The following FRMPD4 variants were observed in gnomAD, a reference collection of about 807,000 sequenced individuals.
FRMPD4 encodes the protein FERM and PDZ domain-containing protein 4.
A neutral mutation model predicts 94.1 loss-of-function variants in FRMPD4; 22 were observed. The ratio of observed to expected loss-of-function variants is 0.23; its 90% CI spans 0.17 to 0.33. FRMPD4 has a LOEUF of 0.33. Among genes scored for constraint, FRMPD4 ranks in the 10% least tolerant of loss-of-function variants. The pLI is 1.00. For missense variants in FRMPD4, 1,111 were observed against 1,339.9 expected (o/e 0.83, Z 2.67); for synonymous variants, 631 against 548.6 (o/e 1.15, Z -2.10).
intron 1 of FRMPD4, among the ~76,000 whole-genome samples, chrX:12,264,819 A>G (rs1168064442): frequency 8.9e-6 from 1 of 112,343 alleles, no homozygotes; most frequent in Admixed American, 9.4e-5. Flanking sequence ...TTTGCCTTTC[A>G]AGATGGGAAT....
chrX:11,985,193 T>C (rs2054421595), intron 3 of FRMPD4, among the ~76,000 whole-genome samples: 1 of 111,755 alleles, frequency 8.9e-6, no homozygotes, highest in Non-Finnish European at 1.9e-5. Flanking sequence ...TTGTCTTGCC[T>C]CTTGGATACC....
intron 3 of FRMPD4, among the ~76,000 whole-genome samples, chrX:12,059,630 A>G: frequency 9.4e-6 from 1 of 105,867 alleles, no homozygotes. Flanking sequence ...TGCCCCCCAT[A>G]GTAGTCCCCA....
At chrX:12,419,155 C>T (rs755492371) in intron 1 of FRMPD4, among the ~76,000 whole-genome samples, 1 of 111,625 alleles carries the variant, frequency 9.0e-6, no homozygotes, top group East Asian at 2.8e-4. Context: ...GATGAAAAGT[C>T]CCTCAACCTC....
intron 3 of FRMPD4, among the ~76,000 whole-genome samples, chrX:12,071,541 G>A (rs1355890653): frequency 8.9e-6 from 1 of 111,789 alleles, no homozygotes; most frequent in East Asian, 2.8e-4. Context: ...CCTCAGAGAG[G>A]ACAAGGAAAC....
At chrX:12,697,349 T>G (rs2060143290) in intron 9 of FRMPD4, among the ~76,000 whole-genome samples, 1 of 112,142 alleles carries the variant, frequency 8.9e-6, no homozygotes, top group African/African-American at 3.2e-5. Context: ...GCTTTGCTAC[T>G]GCAGCTCAGA....
At chrX:12,465,239 T>C (rs1394943635) in intron 1 of FRMPD4, among the ~76,000 whole-genome samples, 1 of 112,192 alleles carries the variant, frequency 8.9e-6, no homozygotes, top group Admixed American at 9.5e-5. Flanking sequence ...TTCTGGTTGA[T>C]GAGCATGGCC....
chrX:12,569,814 G>T (rs891386588), intron 2 of FRMPD4, among the ~76,000 whole-genome samples: 2 of 111,880 alleles, frequency 1.8e-5, no homozygotes, highest in Non-Finnish European at 3.8e-5. Context: ...TTCAGTTCGG[G>T]AACTAGCATT....
Position 12,480,333 on chromosome X carries a change from GAAAAAA to G in FRMPD4, c.42-18333_42-18328del, listed in dbSNP as rs35074731. 3.7e-5 allele frequency among the ~76,000 whole-genome samples: 2 copies of G among 54,670 alleles called. 1 individual carries two copies. The highest frequency in any genetic ancestry group is 1.5e-4 in the African/African-American group (2 of 13,302). 47.5% of individuals were successfully genotyped at this position (54,670 alleles called of 115,157 possible). On this transcript the variant is annotated intron_variant, in intron 1 of 16. Coordinates refer to ENST00000675598, the MANE Select transcript of FRMPD4 (RefSeq NM_001368397.1). Reference sequence around the variant, plus strand: ...AGACACTACAGAAATGAAAAGAAATGAAAAAAAAAAAAAAAAAAAGCAAAATTTCCA... The same window carrying G: ...AGACACTACAGAAATGAAAAGAAATGAAAAAAAAAAAAAGCAAAATTTCCA...
At chrX:12,274,748 G>A (rs1030879537) in intron 1 of FRMPD4, among the ~76,000 whole-genome samples, 4 of 112,597 alleles carry the variant, frequency 3.6e-5, no homozygotes, top group African/African-American at 9.7e-5. Context: ...GGTGGCCCAC[G>A]CCTGTAATCC....
chrX:12,467,615 A>G (rs1418332412), intron 1 of FRMPD4, among the ~76,000 whole-genome samples: 1 of 112,498 alleles, frequency 8.9e-6, no homozygotes, highest in African/African-American at 3.2e-5. Flanking sequence ...CTTATGAACC[A>G]TCAGGAAAAA....
chrX:12,716,004 C>CCCCCCCCCCCCCCCA, intron 14 of FRMPD4, 65 bp from the exon 15 acceptor site: 1 of 186,578 alleles, frequency 5.4e-6, no homozygotes, highest in Non-Finnish European at 1.1e-5. Flanking sequence ...ACGAGCCTCC[C>CCCCCCCCCCCCCCCA]ACCCCCGCCC....
At chrX:12,302,179 G>T (rs946858213) in intron 1 of FRMPD4, among the ~76,000 whole-genome samples, 1 of 111,690 alleles carries the variant, frequency 9.0e-6, no homozygotes, top group Non-Finnish European at 1.9e-5. Flanking sequence ...TGCTATTTGC[G>T]AGGGGTCACC....
At chrX:12,338,734 A>G (rs922367238) in intron 1 of FRMPD4, among the ~76,000 whole-genome samples, 3 of 112,492 alleles carry the variant, frequency 2.7e-5, no homozygotes, top group African/African-American at 9.7e-5. Context: ...AAGTTTTACA[A>G]CAACCATCAA....
intron 2 of FRMPD4, among the ~76,000 whole-genome samples, chrX:11,866,587 G>A (rs983822942): frequency 8.9e-6 from 1 of 111,773 alleles, no homozygotes; most frequent in Non-Finnish European, 1.9e-5. Context: ...AAGAATGTCA[G>A]TATAGATGTG....
intron 1 of FRMPD4, among the ~76,000 whole-genome samples, chrX:12,240,432 C>T (rs1326956331): frequency 8.9e-6 from 1 of 112,086 alleles, no homozygotes; most frequent in African/African-American, 3.2e-5. Flanking sequence ...TGAGAGACCA[C>T]AGATATAGTG....
intron 1 of FRMPD4, among the ~76,000 whole-genome samples, chrX:12,155,172 T>C (rs770198692): frequency 9.0e-6 from 1 of 110,707 alleles, no homozygotes; most frequent in Non-Finnish European, 1.9e-5. Flanking sequence ...GGAAGAGGAG[T>C]TGAGAAAGTA....
intron 1 of FRMPD4, among the ~76,000 whole-genome samples, chrX:12,214,062 T>G (rs1212670100): frequency 1.8e-5 from 2 of 112,145 alleles, no homozygotes; most frequent in South Asian, 3.7e-4. Context: ...ACATTTAAAT[T>G]TTCCAATGAT....
intron 3 of FRMPD4, among the ~76,000 whole-genome samples, chrX:11,959,597 G>C (rs1259504991): frequency 8.9e-6 from 1 of 111,897 alleles, no homozygotes; most frequent in Non-Finnish European, 1.9e-5. Context: ...AATGCTGGTG[G>C]GTTGTTGTGA....
At chrX:12,384,361 T>A (rs973990602) in intron 1 of FRMPD4, among the ~76,000 whole-genome samples, 1 of 110,829 alleles carries the variant, frequency 9.0e-6, no homozygotes, top group Non-Finnish European at 1.9e-5. Flanking sequence ...CCAAAAAAAA[T>A]TCAAGAATTA....
Sources: gnomAD v4.1 joint callset for allele counts (sites outside exome capture counted in the v4.1 genomes callset) on GRCh38, gnomAD v4.1.1 for gene constraint, MANE v1.5 for transcripts, NCBI Gene and HGNC (gene_info 2026-07-23, HGNC 2026-07-21) for gene names.